The following CFDP1 variants were observed in gnomAD, a reference collection of about 807,000 sequenced individuals.
The protein encoded by CFDP1 is heterochromatin-stabilizing protein CFDP1.
In CFDP1, 31 loss-of-function variants were observed where a neutral mutation model predicts 40.1. The observed-to-expected ratio is 0.77, with a 90% confidence interval of 0.58 to 1.04. The LOEUF (loss-of-function observed/expected upper bound fraction) is 1.04, where lower values mean the gene tolerates loss of function less well. Ranked by LOEUF, CFDP1 falls within the 50% of genes least tolerant of loss-of-function variation. The pLI, the probability that CFDP1 is intolerant of heterozygous loss-of-function variation, is 0.00. For synonymous variants in CFDP1, 167 were observed against 120.0 expected (o/e 1.39, Z -2.56); for missense variants, 423 against 343.4 (o/e 1.23, Z -1.83).
At position 75,394,054 on chromosome 16, in the gene CFDP1, CA is replaced by C. The variant is rs1050667415; in HGVS notation, c.650+1035del. ...TGGGTGACAGAGCGAGACTCCACCT[CA>C]AAAAAAAAATGTGAAACAAAACTTT... On this transcript the variant is annotated intron_variant, in intron 5 of 6. Transcript: ENST00000283882. 2.7e-4 allele frequency among the ~76,000 whole-genome samples: 40 copies of C among 147,696 alleles called. 1 individual carries two copies. The South Asian group carries it at 7.5e-3, about 28-fold the overall frequency.
intron 5 of CFDP1, among the ~76,000 whole-genome samples, chr16:75,384,251 G>C (rs941295936): frequency 5.9e-5 from 9 of 152,070 alleles, no homozygotes; most frequent in Non-Finnish European, 1.0e-4. Flanking sequence ...CAGCTACTTG[G>C]GAGGCTAAGG....
At chr16:75,414,140 A>G (rs2079184960) in intron 2 of CFDP1, among the ~76,000 whole-genome samples, 1 of 152,178 alleles carries the variant, frequency 6.6e-6, no homozygotes, top group African/African-American at 2.4e-5. Flanking sequence ...CCATGGTACT[A>G]TCTCCAAGAT....
rs1398010185 is a variant in CFDP1 at position 75,395,151 on chromosome 16, C to T, written c.589G>A (p.Glu197Lys). ...KEAKSFFKQN[E>K]KEKPQANVPS... ...ACATTAGCCTGTGGTTTTTCTTTCT[C>T]ATTCTGCTTGAAGAAGGATTTGGCC... The change falls in exon 5 of 7, where the codon GAG becomes AAG. Residue 197 changes from glutamate to lysine, a missense_variant. Coordinates refer to ENST00000283882, the MANE Select transcript of CFDP1 (RefSeq NM_006324.3). 1.2e-6 allele frequency: 2 copies of T among 1,613,844 alleles called. No individual in the cohort carries two copies. Among genetic ancestry groups the T allele is most frequent in the Middle Eastern group, 1.6e-4 (1 of 6,062 alleles).
At chr16:75,300,808 T>G (rs913122339) in intron 6 of CFDP1, among the ~76,000 whole-genome samples, 4 of 151,910 alleles carry the variant, frequency 2.6e-5, no homozygotes, top group African/African-American at 9.7e-5. Flanking sequence ...TTTTTGAGTC[T>G]TCAGTAGAGA....
At chr16:75,410,117 C>A (rs990669765) in intron 4 of CFDP1, among the ~76,000 whole-genome samples, 3 of 128,742 alleles carry the variant, frequency 2.3e-5, no homozygotes, top group South Asian at 2.8e-4. Context: ...AGTGTCAATT[C>A]TTTTCCCTAA....
At chr16:75,379,340 A>T (rs1341708612) in intron 5 of CFDP1, among the ~76,000 whole-genome samples, 1 of 115,086 alleles carries the variant, frequency 8.7e-6, no homozygotes, top group African/African-American at 2.7e-5. Context: ...CTGACCAAAA[A>T]AAAAAGAGAG....
chr16:75,412,623 G>A lies in CFDP1; in HGVS notation c.314C>T (p.Ala105Val). The change falls in exon 3 of 7, where the codon GCC becomes GTC. Residue 105 changes from alanine to valine, a missense_variant. Transcript: ENST00000283882. ...EQEKGIGSED[A>V]RKKKEDELWA... is the part of the protein sequence containing the mutation. ...GAGTTCGTCCTCCTTCTTTTTCCTGGCATCCTCTGATCCAATGCCTTTTTC... is the reference window on the plus strand; with the variant it reads ...GAGTTCGTCCTCCTTCTTTTTCCTGACATCCTCTGATCCAATGCCTTTTTC... 2 of 1,613,964 alleles carry A rather than the reference G, an allele frequency of 1.2e-6. No individual in the cohort carries two copies. The highest frequency in any genetic ancestry group is 1.7e-6 in the Non-Finnish European group (2 of 1,179,960).
chr16:75,382,000 C>T (rs1179961650), intron 5 of CFDP1, among the ~76,000 whole-genome samples: 1 of 151,934 alleles, frequency 6.6e-6, no homozygotes, highest in African/African-American at 2.4e-5. Context: ...CCTGTAGTCC[C>T]AGCTACACAG....
intron 6 of CFDP1, among the ~76,000 whole-genome samples, chr16:75,304,095 G>C (rs544202798): frequency 6.6e-6 from 1 of 151,666 alleles, no homozygotes; most frequent in Admixed American, 6.6e-5. Flanking sequence ...TTGATACACA[G>C]TCTTGCTCTG....
intron 5 of CFDP1, 153 bp from the exon 6 acceptor site, chr16:75,305,335 G>A (rs562349203): frequency 2.9e-5 from 20 of 699,802 alleles, no homozygotes; most frequent in South Asian, 1.7e-4. Context: ...CTGGTGTGGA[G>A]AGCACTGTAA....
chr16:75,308,425 G>C (rs1043230479), intron 5 of CFDP1, among the ~76,000 whole-genome samples: 1 of 152,126 alleles, frequency 6.6e-6, no homozygotes, highest in Admixed American at 6.5e-5. Context: ...GCTTTGAGGG[G>C]ACTCTAACTA....
intron 5 of CFDP1, among the ~76,000 whole-genome samples, chr16:75,318,593 A>G (rs2078340923): frequency 2.6e-5 from 4 of 151,770 alleles, no homozygotes; most frequent in Non-Finnish European, 5.9e-5. Flanking sequence ...TTTAGTAGAG[A>G]CTGGGTTTCA....
At chr16:75,369,640 A>T (rs1057451018) in intron 5 of CFDP1, among the ~76,000 whole-genome samples, 2 of 152,230 alleles carry the variant, frequency 1.3e-5, no homozygotes, top group African/African-American at 4.8e-5. Flanking sequence ...AACAAAGAAA[A>T]CTAAGTAAGA....
At chr16:75,369,640 A>G (rs1057451018) in intron 5 of CFDP1, among the ~76,000 whole-genome samples, 1 of 152,230 alleles carries the variant, frequency 6.6e-6, no homozygotes, top group Non-Finnish European at 1.5e-5. Flanking sequence ...AACAAAGAAA[A>G]CTAAGTAAGA....
At chr16:75,360,370 A>G (rs2078673180) in intron 5 of CFDP1, among the ~76,000 whole-genome samples, 2 of 152,278 alleles carry the variant, frequency 1.3e-5, no homozygotes, top group African/African-American at 4.8e-5. Flanking sequence ...CAAAGGAATC[A>G]GCTCAAAGAC....
chr16:75,418,452 G>A (rs1315357759), intron 1 of CFDP1, among the ~76,000 whole-genome samples: 5 of 151,480 alleles, frequency 3.3e-5, no homozygotes, highest in African/African-American at 7.3e-5. Context: ...GACTACAGGC[G>A]TGCACCACCT....
At chr16:75,350,005 T>C (rs960465565) in intron 5 of CFDP1, among the ~76,000 whole-genome samples, 1 of 151,948 alleles carries the variant, frequency 6.6e-6, no homozygotes. Flanking sequence ...AGTATGACAT[T>C]AGTGGTGGGT....
chr16:75,416,067 G>C (rs570054776), intron 1 of CFDP1, among the ~76,000 whole-genome samples: 30 of 152,148 alleles, frequency 2.0e-4, no homozygotes, highest in African/African-American at 7.2e-4. Context: ...TGGCCAGGCT[G>C]GTTTTGAATT....
chr16:75,324,037 C>T (rs2078385554), intron 5 of CFDP1, among the ~76,000 whole-genome samples: 1 of 152,164 alleles, frequency 6.6e-6, no homozygotes, highest in South Asian at 2.1e-4. Context: ...TCAACTCAGC[C>T]CTTATCGTTG....
Sources: allele counts gnomAD v4.1 joint callset (sites outside exome capture counted in the v4.1 genomes callset), GRCh38; gene constraint gnomAD v4.1.1; transcripts MANE v1.5; gene names NCBI Gene and HGNC (gene_info 2026-07-23, HGNC 2026-07-21).